The following NLRP4 variants were observed in gnomAD, a reference collection of about 807,000 sequenced individuals.
NLRP4 encodes NLR family pyrin domain containing 4.
A neutral mutation model predicts 84.7 loss-of-function variants in NLRP4; 44 were observed. That is an observed-to-expected ratio of 0.52 (90% CI 0.41 to 0.67). NLRP4 has a LOEUF of 0.67. Among genes scored for constraint, NLRP4 ranks in the 30% least tolerant of loss-of-function variants. The pLI, the probability that NLRP4 is intolerant of heterozygous loss-of-function variation, is 0.00. For missense variants in NLRP4, 1,260 were observed against 1,219.4 expected (o/e 1.03, Z -0.50); for synonymous variants, 544 against 476.4 (o/e 1.14, Z -1.85).
intron 7 of NLRP4, among the ~76,000 whole-genome samples, chr19:55,871,642 T>C (rs1274064335): frequency 2.0e-5 from 3 of 152,134 alleles, no homozygotes; most frequent in Non-Finnish European, 4.4e-5. Flanking sequence ...TTTTACCTAA[T>C]CCATTAGGAA....
intron 1 of NLRP4, among the ~76,000 whole-genome samples, chr19:55,848,369 C>T (rs1983878662): frequency 6.6e-6 from 1 of 152,052 alleles, no homozygotes; most frequent in Non-Finnish European, 1.5e-5. Flanking sequence ...CCTTTTTATA[C>T]TATAGTATTG....
At chr19:55,859,787 G>T (rs1568666038) in intron 3 of NLRP4, among the ~76,000 whole-genome samples, 1 of 151,544 alleles carries the variant, frequency 6.6e-6, no homozygotes, top group East Asian at 2.0e-4. Context: ...AATTAGCCGG[G>T]TGTGTAGCGC....
chr19:55,845,444 G>A (rs1287158950), intron 1 of NLRP4, among the ~76,000 whole-genome samples: 1 of 151,566 alleles, frequency 6.6e-6, no homozygotes, highest in Non-Finnish European at 1.5e-5. Flanking sequence ...CATTTGGGTT[G>A]GTTCCAAGTC....
At chr19:55,873,013 G>A (rs1003173850) in intron 7 of NLRP4, among the ~76,000 whole-genome samples, 13 of 152,118 alleles carry the variant, frequency 8.5e-5, no homozygotes, top group Non-Finnish European at 1.5e-4. Context: ...TCAGTATGGC[G>A]GGGAGACGGG....
chr19:55,840,344 ATGTGTGTGTGTGTG>A lies in NLRP4; in HGVS notation c.-66+3430_-66+3443del, dbSNP rs762148583. Among the ~76,000 whole-genome samples, 5 of 119,720 alleles carry A rather than the reference ATGTGTGTGTGTGTG, an allele frequency of 4.2e-5. No individual in the cohort carries two copies. In the Admixed American group the frequency reaches 4.2e-4, roughly 10 times the overall value. 78.5% of individuals were successfully genotyped at this position (119,720 alleles called of 152,430 possible). A position where few individuals can be genotyped will look rare whatever the true frequency, so the allele number is the denominator to read the frequency against. On this transcript the variant is annotated intron_variant, in intron 1 of 9. Coordinates refer to ENST00000301295, the MANE Select transcript of NLRP4 (RefSeq NM_134444.5). Reference sequence around the variant, plus strand: ...TGTGTATAGACATATGTGTATGTGTATGTGTGTGTGTGTGTGTGTGTGTGTGTGTGTGTATACAT... The same window carrying A: ...TGTGTATAGACATATGTGTATGTGTATGTGTGTGTGTGTGTGTGTATACAT...
intron 1 of NLRP4, among the ~76,000 whole-genome samples, chr19:55,841,266 G>A (rs923252610): frequency 6.6e-6 from 1 of 152,066 alleles, no homozygotes; most frequent in African/African-American, 2.4e-5. Context: ...TTGACCAATC[G>A]CTCCTGGTCT....
Position 55,879,660 on chromosome 19 carries a change from C to A in NLRP4, c.2867+696C>A, listed in dbSNP as rs573584761. ...CTGGCGCAGCTGCTGGCATTCCCCC[C>A]ATGCAATCTTCGCGCTCCCTTATTT... On this transcript the variant is annotated intron_variant, in intron 9 of 9. Transcript: ENST00000301295. Among the ~76,000 whole-genome samples the A allele has an allele frequency of 3.9e-5, 6 of 152,326 alleles. No individual in the cohort carries two copies. In the South Asian group the frequency reaches 1.2e-3, roughly 32 times the overall value.
At chr19:55,845,130 C>T (rs906493398) in intron 1 of NLRP4, among the ~76,000 whole-genome samples, 1 of 150,274 alleles carries the variant, frequency 6.7e-6, no homozygotes, top group Admixed American at 6.7e-5. Flanking sequence ...CACCCATTAA[C>T]TCGTCATTTA....
At chr19:55,881,164 T>TAC (rs958011822) in intron 9 of NLRP4, among the ~76,000 whole-genome samples, 4 of 151,954 alleles carry the variant, frequency 2.6e-5, no homozygotes, top group African/African-American at 9.7e-5. Context: ...TGTGTGTGTG[T>TAC]GTACCTGTCT....
Position 55,849,019 on chromosome 19 carries a change from G to T in NLRP4, c.-65-2997G>T, listed in dbSNP as rs115427219. ...GCCTCCCCAGCCACATGGAACTGTGGGTCCATTAAACCACTTTTTTCTTTA... is the reference window on the plus strand; with the variant it reads ...GCCTCCCCAGCCACATGGAACTGTGTGTCCATTAAACCACTTTTTTCTTTA... On this transcript the variant is annotated intron_variant, in intron 1 of 9. Transcript: ENST00000301295. Among the ~76,000 whole-genome samples, 247 of 152,154 alleles carry T rather than the reference G, an allele frequency of 1.6e-3. 2 individuals carry two copies. Among genetic ancestry groups the T allele is most frequent in the African/African-American group, 5.6e-3 (232 of 41,510 alleles).
At chr19:55,878,760 G>C (rs1365134392) in intron 8 of NLRP4, 34 bp from the exon 9 acceptor site, 1 of 1,582,828 alleles carries the variant, frequency 6.3e-7, no homozygotes, top group Non-Finnish European at 8.6e-7. Context: ...CCTGAGGCTG[G>C]GGCCGCATCT....
chr19:55,858,062 G>T lies in NLRP4; in HGVS notation c.669G>T (p.Pro223=), dbSNP rs746075034. The change falls in exon 3 of 10, where the codon CCG becomes CCT. Residue 223 remains proline (P), a synonymous_variant. Transcript: ENST00000301295. This position sits in a 1 kb window ranked among gnomAD's most constrained non-coding sequence, Gnocchi z 4.2. ...AAPITEIVSQ[P]ERLLFVIDSF... ...CTATAACAGAGATCGTGTCTCAACCGGAGAGACTCTTGTTCGTCATCGACA... is the reference window on the plus strand; with the variant it reads ...CTATAACAGAGATCGTGTCTCAACCTGAGAGACTCTTGTTCGTCATCGACA... 1 of 1,614,154 alleles carries T rather than the reference G, an allele frequency of 6.2e-7. No homozygotes were observed. Among genetic ancestry groups the T allele is most frequent in the Middle Eastern group, 1.6e-4 (1 of 6,062 alleles).
intron 8 of NLRP4, among the ~76,000 whole-genome samples, 167 bp downstream of exon 8, chr19:55,877,333 T>C (rs547198582): frequency 1.3e-5 from 2 of 152,188 alleles, no homozygotes; most frequent in Admixed American, 6.5e-5. Flanking sequence ...AGAAGTTAGA[T>C]TGCTGCTGGC....
At position 55,881,739 on chromosome 19, in the gene NLRP4, G is replaced by A. The variant is rs1985601812; in HGVS notation, c.*152G>A. The A allele has an allele frequency of 5.9e-6, 3 of 507,282 alleles. No homozygotes were observed. Among genetic ancestry groups the A allele is most frequent in the East Asian group, 3.2e-5 (1 of 31,462 alleles). The allele number at this position is 507,282 out of a possible 1,614,324, so 31.4% of individuals were successfully genotyped here. The stretch of plus-strand genomic sequence containing the variant: ...CATTCATAGATTTGATATGATACAC[G>A]TGGTTTTTATGTGCTCTGTGGCCTT... On this transcript the variant is annotated 3_prime_UTR_variant, in exon 10 of 10. Coordinates refer to ENST00000301295, the MANE Select transcript of NLRP4 (RefSeq NM_134444.5).
In NLRP4 at chr19:55,853,916, T is replaced by TC. The variant is rs1491329270; in HGVS notation, c.280+1556_280+1557insC. On this transcript the variant is annotated intron_variant, in intron 2 of 9. Transcript: ENST00000301295. ...CTCTCTCTCTCTCTCTTTCTCTTTC[T>TC]TTCTCTTTCTCTTTCTCTCTCTCTT... is the stretch of plus-strand genomic sequence containing the variant. 1.5e-3 allele frequency among the ~76,000 whole-genome samples: 157 copies of TC among 103,138 alleles called. 4 individuals are homozygous for TC. The highest frequency in any genetic ancestry group is 6.6e-3 in the African/African-American group (143 of 21,620). The allele number at this position is 103,138 out of a possible 152,430, so 67.7% of individuals were successfully genotyped here. A position where few individuals can be genotyped will look rare whatever the true frequency, so the allele number is the denominator to read the frequency against.
At chr19:55,856,731 G>A (rs1451722529) in intron 2 of NLRP4, among the ~76,000 whole-genome samples, 1 of 151,948 alleles carries the variant, frequency 6.6e-6, no homozygotes, top group Non-Finnish European at 1.5e-5. Flanking sequence ...GGCCAGGATG[G>A]TCTTGATCTC....
intron 7 of NLRP4, among the ~76,000 whole-genome samples, chr19:55,871,582 A>G (rs564376745): frequency 2.0e-4 from 31 of 152,200 alleles, no homozygotes; most frequent in Admixed American, 1.2e-3. Context: ...ACATGTTGTT[A>G]TGTATTTTCC....
At chr19:55,872,574 C>G (rs1985225689) in intron 7 of NLRP4, among the ~76,000 whole-genome samples, 2 of 151,816 alleles carry the variant, frequency 1.3e-5, no homozygotes, top group African/African-American at 4.8e-5. Flanking sequence ...TAATAACTGA[C>G]TATATGGGGT....
chr19:55,850,016 TGCGGTGTG>T, intron 1 of NLRP4, among the ~76,000 whole-genome samples: 1 of 144,836 alleles, frequency 6.9e-6, no homozygotes, highest in Admixed American at 6.9e-5. Flanking sequence ...TTTCCGAGAC[TGCGGTGTG>T]ATTTCCGAGA....
Sources: gnomAD v4.1 joint callset for allele counts (sites outside exome capture counted in the v4.1 genomes callset) on GRCh38, gnomAD v4.1.1 for gene constraint, Gnocchi (gnomAD v3.1) non-coding constraint, MANE v1.5 for transcripts, NCBI Gene and HGNC (gene_info 2026-07-23, HGNC 2026-07-21) for gene names.